Variants in AKAP6 observed in about 807,000 individuals in gnomAD.
AKAP6 encodes A-kinase anchor protein 6.
In AKAP6, 58 loss-of-function variants were observed where a neutral mutation model predicts 188.5. That is an observed-to-expected ratio of 0.31 (90% CI 0.25 to 0.38). AKAP6 has a LOEUF of 0.38. Among genes scored for constraint, AKAP6 ranks in the 10% least tolerant of loss-of-function variants. The pLI is 1.00. For missense variants in AKAP6, 2,710 were observed against 2,740.0 expected, an observed-to-expected ratio of 0.99 and a Z score of 0.24; for synonymous variants, 989 against 998.6, an observed-to-expected ratio of 0.99 and a Z score of 0.18.
chr14:32,775,434 T>C (rs1274119456), intron 12 of AKAP6, among the ~76,000 whole-genome samples: 2 of 107,474 alleles, frequency 1.9e-5, no homozygotes, highest in South Asian at 2.7e-4. Flanking sequence ...ATTTTTATCC[T>C]TTTTTTTTTT....
chr14:32,395,348 C>A (rs774720746), intron 1 of AKAP6, among the ~76,000 whole-genome samples: 3 of 152,076 alleles, frequency 2.0e-5, no homozygotes, highest in African/African-American at 2.4e-5. Context: ...TTCAACACAT[C>A]TCATAACAGG....
intron 2 of AKAP6, among the ~76,000 whole-genome samples, chr14:32,520,749 G>A (rs1217922072): frequency 5.3e-5 from 8 of 152,092 alleles, no homozygotes; most frequent in African/African-American, 1.7e-4. Context: ...GTTCATAGCC[G>A]AATTCTACCA....
At chr14:32,592,389 A>G (rs910645059) in intron 5 of AKAP6, among the ~76,000 whole-genome samples, 1 of 152,168 alleles carries the variant, frequency 6.6e-6, no homozygotes, top group Non-Finnish European at 1.5e-5. Flanking sequence ...TAGGTGGAAG[A>G]TGGTTAGGGA....
At position 32,566,653 on chromosome 14, in the gene AKAP6, C is replaced by T. The variant is rs186993375; in HGVS notation, c.2347-10467C>T. Among the ~76,000 whole-genome samples, 104 of 152,066 alleles carry T rather than the reference C, an allele frequency of 6.8e-4. 1 individual carries two copies. Among genetic ancestry groups the T allele is most frequent in the African/African-American group, 2.4e-3 (98 of 41,510 alleles). ...TATGTTTACTCATACACATGGAGTT[C>T]GAACAAAAAAAGGCAATTTAGTCCT... On this transcript the variant is annotated intron_variant, in intron 4 of 13. Coordinates refer to ENST00000280979, the MANE Select transcript of AKAP6 (RefSeq NM_004274.5).
chr14:32,374,068 C>T (rs1888089105), intron 1 of AKAP6, among the ~76,000 whole-genome samples: 1 of 152,170 alleles, frequency 6.6e-6, no homozygotes, highest in Non-Finnish European at 1.5e-5. Context: ...CCAGAGACAG[C>T]AACTTAAAAC....
chr14:32,404,733 A>C (rs1464714676), intron 1 of AKAP6, among the ~76,000 whole-genome samples: 2 of 45,972 alleles, frequency 4.4e-5, no homozygotes, highest in African/African-American at 1.4e-4. Flanking sequence ...TCAGCAGGAA[A>C]TAGTTGATAC....
intron 2 of AKAP6, among the ~76,000 whole-genome samples, chr14:32,436,887 C>T (rs537893635): frequency 6.9e-4 from 105 of 152,288 alleles, no homozygotes; most frequent in African/African-American, 2.2e-3. Flanking sequence ...TGATGCTCCA[C>T]TGCACTACAT....
At chr14:32,391,980 A>G (rs1401472706) in intron 1 of AKAP6, among the ~76,000 whole-genome samples, 1 of 152,178 alleles carries the variant, frequency 6.6e-6, no homozygotes, top group Non-Finnish European at 1.5e-5. Flanking sequence ...ATCTTTTTAT[A>G]TACTTCTGAC....
At chr14:32,732,945 A>C (rs918098204) in intron 10 of AKAP6, 2 of 442,372 alleles carry the variant, frequency 4.5e-6, no homozygotes, top group South Asian at 8.3e-5. Context: ...TGTTAATAGA[A>C]TTTATTCTGA....
intron 9 of AKAP6, among the ~76,000 whole-genome samples, chr14:32,710,639 C>T (rs983742753): frequency 3.9e-5 from 6 of 151,992 alleles, no homozygotes; most frequent in African/African-American, 1.4e-4. Flanking sequence ...CTACACAAAG[C>T]GTTTCTAATG....
intron 2 of AKAP6, among the ~76,000 whole-genome samples, chr14:32,473,068 T>C: frequency 6.6e-6 from 1 of 152,236 alleles, no homozygotes; most frequent in East Asian, 1.9e-4. Context: ...TATAAATCCC[T>C]GTGGAATGTT....
At chr14:32,516,840 C>G (rs1298672981) in intron 2 of AKAP6, among the ~76,000 whole-genome samples, 2 of 152,148 alleles carry the variant, frequency 1.3e-5, no homozygotes, top group Non-Finnish European at 2.9e-5. Context: ...ATGAACAGCC[C>G]TATTGCCTTG....
intron 2 of AKAP6, among the ~76,000 whole-genome samples, chr14:32,440,941 G>A (rs1255335601): frequency 6.6e-6 from 1 of 152,058 alleles, no homozygotes; most frequent in Non-Finnish European, 1.5e-5. Context: ...GGGTCTTTAG[G>A]ATCTGATTAA....
At chr14:32,544,069 G>T (rs1883078461) in intron 3 of AKAP6, among the ~76,000 whole-genome samples, 1 of 152,276 alleles carries the variant, frequency 6.6e-6, no homozygotes, top group East Asian at 1.9e-4. Flanking sequence ...CAAATGAGCA[G>T]TAAAACCAGA....
chr14:32,361,848 C>G (rs1470582383), intron 1 of AKAP6, among the ~76,000 whole-genome samples: 1 of 152,088 alleles, frequency 6.6e-6, no homozygotes, highest in African/African-American at 2.4e-5. Flanking sequence ...TTAAAAAGGG[C>G]TCCCCTCCTG....
intron 5 of AKAP6, among the ~76,000 whole-genome samples, chr14:32,578,649 A>G (rs1884834199): frequency 1.3e-5 from 2 of 152,212 alleles, no homozygotes; most frequent in Non-Finnish European, 2.9e-5. Flanking sequence ...AAACAGGAGT[A>G]TATGAACTTT....
chr14:32,706,068 T>C (rs1039139961), intron 9 of AKAP6, among the ~76,000 whole-genome samples: 1 of 152,164 alleles, frequency 6.6e-6, no homozygotes, highest in Non-Finnish European at 1.5e-5. Context: ...TTTGTGGAGC[T>C]GTGCTAATAA....
At chr14:32,401,149 G>A (rs1420373366) in intron 1 of AKAP6, among the ~76,000 whole-genome samples, 1 of 152,146 alleles carries the variant, frequency 6.6e-6, no homozygotes, top group Non-Finnish European at 1.5e-5. Flanking sequence ...TAGGGTATAG[G>A]GGCAGAGCCA....
intron 1 of AKAP6, among the ~76,000 whole-genome samples, chr14:32,422,508 A>T (rs540868016): frequency 5.9e-4 from 90 of 152,242 alleles, no homozygotes; most frequent in African/African-American, 2.1e-3. Context: ...TCTGTTGTTG[A>T]TGTGTGACAA....
Sources: allele counts gnomAD v4.1 joint callset (sites outside exome capture counted in the v4.1 genomes callset), GRCh38; gene constraint gnomAD v4.1.1; transcripts MANE v1.5; gene names NCBI Gene and HGNC (gene_info 2026-07-23, HGNC 2026-07-21).